The following LANCL2 variants were observed in gnomAD, a reference collection of about 807,000 sequenced individuals.
LANCL2 encodes lanC-like protein 2.
LANCL2 carries 33 observed loss-of-function variants against 56.9 expected under a neutral mutation model. The ratio of observed to expected loss-of-function variants is 0.58; its 90% CI spans 0.44 to 0.78. LANCL2 has a LOEUF of 0.78. LANCL2 is among the 30% of genes least tolerant of loss of function. The pLI is 0.00. For synonymous variants in LANCL2, 233 were observed against 228.2 expected (o/e 1.02, Z -0.19); for missense variants, 562 against 580.2 (o/e 0.97, Z 0.32).
At chr7:55,409,302 C>G (rs537471017) in intron 5 of LANCL2, among the ~76,000 whole-genome samples, 49 of 151,754 alleles carry the variant, frequency 3.2e-4, no homozygotes, top group Admixed American at 1.1e-3. Flanking sequence ...CCGTATTAGC[C>G]AGGACGGTCT....
intron 8 of LANCL2, 64 bp downstream of exon 8, chr7:55,428,511 G>T: frequency 7.8e-7 from 1 of 1,278,326 alleles, no homozygotes; most frequent in Non-Finnish European, 1.1e-6. Flanking sequence ...TGCCCTTGTG[G>T]ACTGGCACTG....
At chr7:55,369,572 C>G (rs371508376) in intron 1 of LANCL2, among the ~76,000 whole-genome samples, 54 of 152,280 alleles carry the variant, frequency 3.5e-4, no homozygotes, top group Admixed American at 7.2e-4. Flanking sequence ...AAGCCTGTGA[C>G]GCAGACACTC....
intron 6 of LANCL2, among the ~76,000 whole-genome samples, chr7:55,419,950 C>CAAGA (rs1687852321): frequency 1.3e-5 from 2 of 152,202 alleles, no homozygotes; most frequent in South Asian, 4.2e-4. Context: ...GCCACAAGTT[C>CAAGA]AAGACCAACC....
intron 7 of LANCL2, 185 bp from the exon 8 acceptor site, chr7:55,428,190 C>T (rs892546036): frequency 1.1e-4 from 68 of 610,592 alleles, no homozygotes; most frequent in Admixed American, 5.1e-4. Context: ...CTGAGGCAGC[C>T]GCAAGCAGAG....
chr7:55,418,185 G>GT (rs55860430), intron 6 of LANCL2, among the ~76,000 whole-genome samples: 95,663 of 148,016 alleles, frequency 0.65, 31,142 homozygotes, highest in Admixed American at 0.71. Flanking sequence ...ATACAATTGC[G>GT]TTTTTTTTTT....
At chr7:55,422,445 T>A (rs1275645587) in intron 6 of LANCL2, among the ~76,000 whole-genome samples, 1 of 152,204 alleles carries the variant, frequency 6.6e-6, no homozygotes, top group African/African-American at 2.4e-5. Context: ...TTCCTCTTAA[T>A]TTTGGGTTTT....
At chr7:55,418,728 A>G (rs1388678404) in intron 6 of LANCL2, among the ~76,000 whole-genome samples, 1 of 152,214 alleles carries the variant, frequency 6.6e-6, no homozygotes, top group Non-Finnish European at 1.5e-5. Context: ...TCATAGAAAA[A>G]AATATTAAAT....
At chr7:55,429,003 C>T (rs1790698504) in intron 8 of LANCL2, among the ~76,000 whole-genome samples, 1 of 152,132 alleles carries the variant, frequency 6.6e-6, no homozygotes, top group Non-Finnish European at 1.5e-5. Context: ...AAACAGAAGC[C>T]CCACAAACAG....
chr7:55,387,505 T>C (rs1209360386), intron 1 of LANCL2, among the ~76,000 whole-genome samples: 1 of 151,828 alleles, frequency 6.6e-6, no homozygotes, highest in African/African-American at 2.4e-5. Flanking sequence ...ACAGCAAACG[T>C]TGAACTTCTG....
chr7:55,418,729 A>T (rs1790572488), intron 6 of LANCL2, among the ~76,000 whole-genome samples: 2 of 152,334 alleles, frequency 1.3e-5, no homozygotes, highest in South Asian at 4.1e-4. Context: ...CATAGAAAAA[A>T]ATATTAAATA....
intron 5 of LANCL2, among the ~76,000 whole-genome samples, chr7:55,402,657 C>T (rs1431003435): frequency 8.1e-6 from 1 of 122,930 alleles, no homozygotes; most frequent in South Asian, 2.5e-4. Flanking sequence ...GGGCTAACCC[C>T]CCCACCTCCC....
chr7:55,365,701 G>A lies in LANCL2; in HGVS notation c.-325G>A, dbSNP rs781594009. On this transcript the variant is annotated 5_prime_UTR_variant, in exon 1 of 9. Transcript: ENST00000254770. ...GCGTCGCCGCGGACGGGCTCTGCGG[G>A]CCACGGGGAAGGTGCGAGGAGGCGC... The A allele has an allele frequency of 1.8e-4, 43 of 233,118 alleles. No individual in the cohort carries two copies. The highest frequency in any genetic ancestry group is 5.1e-4 in the Admixed American group (9 of 17,488). The allele number at this position is 233,118 out of a possible 1,614,324, so 14.4% of individuals were successfully genotyped here.
chr7:55,411,845 T>C (rs1790473200), intron 5 of LANCL2, 62 bp from the exon 6 acceptor site: 10 of 1,465,448 alleles, frequency 6.8e-6, no homozygotes, highest in South Asian at 3.8e-5. Flanking sequence ...TTAGCCATGA[T>C]ACAATGTAAA....
chr7:55,382,454 C>T (rs546762704), intron 1 of LANCL2, among the ~76,000 whole-genome samples: 68 of 152,206 alleles, frequency 4.5e-4, no homozygotes, highest in Middle Eastern at 3.4e-3. Context: ...CTTATCAAGA[C>T]GGGAATCACA....
intron 2 of LANCL2, among the ~76,000 whole-genome samples, chr7:55,398,171 C>T (rs1226998056): frequency 1.3e-5 from 2 of 152,136 alleles, no homozygotes; most frequent in Non-Finnish European, 1.5e-5. Context: ...GGTATTAAAT[C>T]ACTGTGCCAG....
chr7:55,383,317 G>T (rs1261118867), intron 1 of LANCL2, among the ~76,000 whole-genome samples: 1 of 152,198 alleles, frequency 6.6e-6, no homozygotes, highest in Non-Finnish European at 1.5e-5. Context: ...CCCATGTGTG[G>T]TGGATGAGGA....
In LANCL2 at chr7:55,398,558, GC is replaced by G. The variant is rs760465269; in HGVS notation, c.463del (p.Leu155TrpfsTer6). On this transcript the variant is annotated frameshift_variant, in exon 3 of 9. Coordinates refer to ENST00000254770, the MANE Select transcript of LANCL2 (RefSeq NM_018697.4). LOFTEE classifies it high-confidence loss of function. ...GTCACCTTCCTCTGTGGGGATGCTG[GC>G]CCCCTGGCTGTTGGAGCTGTGATTT... ...RRVTFLCGDA[G>X]PLAVGAVIYH... 2 of 1,614,150 alleles carry G rather than the reference GC, an allele frequency of 1.2e-6. No homozygotes were observed.
At chr7:55,419,549 G>A (rs2128996039) in intron 6 of LANCL2, among the ~76,000 whole-genome samples, 1 of 151,764 alleles carries the variant, frequency 6.6e-6, no homozygotes, top group South Asian at 2.1e-4. Context: ...TTACAGACAC[G>A]AGGTACCACG....
intron 1 of LANCL2, 143 bp downstream of exon 1, chr7:55,366,372 C>A (rs894904570): frequency 1.5e-6 from 1 of 668,154 alleles, no homozygotes; most frequent in South Asian, 2.4e-5. Flanking sequence ...GTCTCCGGGC[C>A]TTCCCGATGA....
Sources: allele counts gnomAD v4.1 joint callset (sites outside exome capture counted in the v4.1 genomes callset), GRCh38; gene constraint gnomAD v4.1.1; transcripts MANE v1.5; gene names NCBI Gene and HGNC (gene_info 2026-07-23, HGNC 2026-07-21).